Variants in MSR1 observed in about 807,000 individuals in gnomAD.
MSR1 encodes macrophage scavenger receptor types I and II.
MSR1 carries 53 observed loss-of-function variants against 47.2 expected under a neutral mutation model. The observed-to-expected ratio is 1.12, with a 90% CI of 0.90 to 1.41. The LOEUF is 1.41. Among genes scored for constraint, MSR1 ranks in the 40% most tolerant of loss-of-function variants. The pLI is 0.00. For synonymous variants in MSR1, 239 were observed against 185.6 expected (o/e 1.29, Z -2.34); for missense variants, 786 against 546.9 (o/e 1.44, Z -4.36).
In MSR1 at chr8:16,157,600, T is replaced by C. The variant is rs538903423; in HGVS notation, c.818-2456A>G. Among the ~76,000 whole-genome samples, 16 of 152,108 alleles carry C rather than the reference T, an allele frequency of 1.1e-4. No homozygotes were observed. The South Asian group carries it at 3.1e-3, about 30-fold the overall frequency. ...ATCTTTTACTGTTTCTAACAAAATGTTGGAAGGATCTCAATAAATGTTTTA... is the reference window on the plus strand; with the variant it reads ...ATCTTTTACTGTTTCTAACAAAATGCTGGAAGGATCTCAATAAATGTTTTA... On this transcript the variant is annotated intron_variant, in intron 5 of 9. Transcript: ENST00000262101.
chr8:16,180,072 C>A (rs1801781881), intron 1 of MSR1, among the ~76,000 whole-genome samples: 1 of 149,612 alleles, frequency 6.7e-6, no homozygotes, highest in African/African-American at 2.5e-5. Flanking sequence ...CAGGTGTGAG[C>A]CATTGTACCC....
intron 9 of MSR1, among the ~76,000 whole-genome samples, chr8:16,112,840 C>T (rs1424283252): frequency 6.6e-6 from 1 of 151,480 alleles, no homozygotes; most frequent in African/African-American, 2.4e-5. Context: ...CTCTTTCTCT[C>T]TCTCTCATCT....
chr8:16,161,413 A>T (rs1488955738), intron 5 of MSR1, among the ~76,000 whole-genome samples: 1 of 151,956 alleles, frequency 6.6e-6, no homozygotes. Context: ...TTGAAATCCA[A>T]AGTGGAGGTA....
Position 16,180,750 on chromosome 8 carries a change from G to C in MSR1, c.-4-2758C>G, listed in dbSNP as rs143800994. 1.3e-3 allele frequency among the ~76,000 whole-genome samples: 191 copies of C among 152,192 alleles called. 1 individual carries two copies. The highest frequency in any genetic ancestry group is 4.4e-3 in the African/African-American group (184 of 41,544). On this transcript the variant is annotated intron_variant, in intron 1 of 9. Transcript: ENST00000262101. Reference sequence around the variant, plus strand: ...CATGCAAGGATATGACTCAACTCCTGTCAATATATTTTGAAAATATCACTA... The same window carrying C: ...CATGCAAGGATATGACTCAACTCCTCTCAATATATTTTGAAAATATCACTA...
At chr8:16,128,704 C>T (rs187620128) in intron 8 of MSR1, among the ~76,000 whole-genome samples, 37 of 152,160 alleles carry the variant, frequency 2.4e-4, no homozygotes, top group African/African-American at 8.7e-4. Flanking sequence ...CAAGCTGCTT[C>T]TTTAATTTAT....
intron 8 of MSR1, among the ~76,000 whole-genome samples, chr8:16,127,205 G>A (rs912704469): frequency 6.6e-6 from 1 of 152,132 alleles, no homozygotes; most frequent in Non-Finnish European, 1.5e-5. Context: ...GAATATCTGT[G>A]TGTCATGTCC....
intron 8 of MSR1, among the ~76,000 whole-genome samples, chr8:16,130,588 T>C (rs1800232890): frequency 6.6e-6 from 1 of 152,182 alleles, no homozygotes; most frequent in African/African-American, 2.4e-5. Flanking sequence ...GTCTTCGAGG[T>C]AATAAGCATA....
chr8:16,150,134 G>GTATATA (rs1800808551), intron 7 of MSR1, 97 bp downstream of exon 7: 2 of 190,070 alleles, frequency 1.1e-5, no homozygotes, highest in African/African-American at 9.6e-5. Flanking sequence ...GTGTATGTGT[G>GTATATA]TGTGTGTATA....
intron 1 of MSR1, among the ~76,000 whole-genome samples, chr8:16,184,633 T>C (rs1270615813): frequency 6.6e-6 from 1 of 152,136 alleles, no homozygotes; most frequent in African/African-American, 2.4e-5. Flanking sequence ...TGAATTACTA[T>C]CTATACAAAT....
At chr8:16,172,942 T>G (rs1801529794) in intron 3 of MSR1, among the ~76,000 whole-genome samples, 1 of 152,140 alleles carries the variant, frequency 6.6e-6, no homozygotes, top group African/African-American at 2.4e-5. Context: ...TTATGCCAAG[T>G]AGAGATATAT....
chr8:16,110,558 A>T (rs1307328539), intron 9 of MSR1, among the ~76,000 whole-genome samples: 1 of 152,164 alleles, frequency 6.6e-6, no homozygotes, highest in Non-Finnish European at 1.5e-5. Context: ...TTGAGCCTTA[A>T]TAATCATGGG....
intron 1 of MSR1, chr8:16,186,295 C>T: frequency 4.5e-6 from 5 of 1,121,868 alleles, no homozygotes; most frequent in Non-Finnish European, 6.4e-6. Flanking sequence ...AGTTTCTGTT[C>T]TGTTTTCTCT....
intron 8 of MSR1, 104 bp downstream of exon 8, chr8:16,143,454 A>G (rs1800614705): frequency 9.7e-6 from 9 of 928,926 alleles, no homozygotes; most frequent in South Asian, 8.2e-5. Flanking sequence ...GTCTGTATGG[A>G]TCTGTGCTGA....
chr8:16,112,044 G>C (rs896476662), intron 9 of MSR1, among the ~76,000 whole-genome samples: 3 of 152,088 alleles, frequency 2.0e-5, no homozygotes, highest in African/African-American at 4.8e-5. Context: ...TATGTTCTAG[G>C]TAGATGAAGC....
chr8:16,155,805 G>A (rs968658017), intron 5 of MSR1, among the ~76,000 whole-genome samples: 1 of 151,766 alleles, frequency 6.6e-6, no homozygotes, highest in Non-Finnish European at 1.5e-5. Context: ...AATGAGTAGA[G>A]GAATTCTTTT....
chr8:16,188,219 T>A (rs1421508302), intron 1 of MSR1, among the ~76,000 whole-genome samples: 1 of 152,156 alleles, frequency 6.6e-6, no homozygotes, highest in Non-Finnish European at 1.5e-5. Flanking sequence ...AATGAAAGAA[T>A]TTCAAGGTTA....
At chr8:16,138,215 T>G (rs1800438671) in intron 8 of MSR1, among the ~76,000 whole-genome samples, 2 of 152,134 alleles carry the variant, frequency 1.3e-5, no homozygotes, top group South Asian at 4.2e-4. Context: ...GAGCAAAGAA[T>G]GATGAGAAAT....
At chr8:16,147,078 C>G (rs1800719698) in intron 7 of MSR1, among the ~76,000 whole-genome samples, 2 of 152,156 alleles carry the variant, frequency 1.3e-5, no homozygotes, top group South Asian at 4.1e-4. Context: ...ACGTTATTTG[C>G]ATGCTGAAAG....
intron 2 of MSR1, among the ~76,000 whole-genome samples, chr8:16,176,953 A>C (rs1380283176): frequency 1.3e-5 from 2 of 152,186 alleles, no homozygotes; most frequent in Non-Finnish European, 2.9e-5. Flanking sequence ...CTGCTTCTTC[A>C]CACTGAAATA....
Sources: allele counts gnomAD v4.1 joint callset (sites outside exome capture counted in the v4.1 genomes callset), GRCh38; gene constraint gnomAD v4.1.1; transcripts MANE v1.5; gene names NCBI Gene and HGNC (gene_info 2026-07-23, HGNC 2026-07-21).